Variants in RARB observed in about 807,000 individuals in gnomAD.
RARB encodes the protein HBV-activated protein.
In RARB, 17 loss-of-function variants were observed where a neutral mutation model predicts 51.9. The ratio of observed to expected loss-of-function variants is 0.33; its 90% CI spans 0.22 to 0.49. The LOEUF (loss-of-function observed/expected upper bound fraction) is 0.49. Ranked by LOEUF, RARB falls within the 20% of genes least tolerant of loss-of-function variation. RARB has a pLI of 0.99. For missense variants in RARB, 369 were observed against 550.8 expected (o/e 0.67, Z 3.30); for synonymous variants, 215 against 195.4 (o/e 1.10, Z -0.84).
rs1281841095 is a variant in RARB, at chr3:24,989,893, G to A, written c.-379-70232G>A. 6.8e-5 allele frequency among the ~76,000 whole-genome samples: 6 copies of A among 87,732 alleles called. 2 individuals are homozygous for A. In the East Asian group the frequency reaches 2.4e-3, roughly 36 times the overall value. The allele number at this position is 87,732 out of a possible 152,430, so 57.6% of individuals were successfully genotyped here. ...CGGCTCACTGCAAGCTCCCCTTCCC[G>A]GGTTCACGCCATTCTCCTGCCTCAG... On this transcript the variant is annotated intron_variant, in intron 2 of 11. Coordinates refer to the RARB transcript ENST00000383772.
chr3:25,258,275 G>T (rs2125405473), intron 5 of RARB, among the ~76,000 whole-genome samples: 1 of 152,172 alleles, frequency 6.6e-6, no homozygotes, highest in Admixed American at 6.5e-5. Flanking sequence ...TTAAAGGAAT[G>T]GTAAACTTAT....
chr3:24,961,630 G>A (rs993413067), intron 2 of RARB, among the ~76,000 whole-genome samples: 1 of 151,958 alleles, frequency 6.6e-6, no homozygotes, highest in Non-Finnish European at 1.5e-5. Flanking sequence ...GGGAGGGAGG[G>A]CGGGGCATGG....
chr3:24,959,208 G>C (rs956243711), intron 2 of RARB, among the ~76,000 whole-genome samples: 7 of 152,156 alleles, frequency 4.6e-5, no homozygotes, highest in Non-Finnish European at 7.3e-5. Flanking sequence ...GGGTCAGTGT[G>C]ACAGCCTTTA....
intron 2 of RARB, among the ~76,000 whole-genome samples, chr3:24,992,827 T>C (rs767038954): frequency 1.3e-5 from 2 of 152,296 alleles, no homozygotes; most frequent in South Asian, 2.1e-4. Flanking sequence ...TCTCCAAATA[T>C]AGTCACATTT....
intron 2 of RARB, among the ~76,000 whole-genome samples, chr3:25,001,659 A>T (rs1381983825): frequency 6.6e-6 from 1 of 152,188 alleles, no homozygotes; most frequent in Non-Finnish European, 1.5e-5. Context: ...GCTGATAAGA[A>T]ATCAATTCAA....
intron 3 of RARB, among the ~76,000 whole-genome samples, chr3:25,560,649 A>G (rs1215277048): frequency 6.6e-6 from 1 of 152,200 alleles, no homozygotes; most frequent in Admixed American, 6.5e-5. Context: ...CTAGTTATAG[A>G]GCACCAGGCT....
intron 5 of RARB, among the ~76,000 whole-genome samples, chr3:25,364,147 A>G (rs752694555): frequency 1.3e-5 from 2 of 151,702 alleles, no homozygotes; most frequent in African/African-American, 4.8e-5. Flanking sequence ...TTATTTTGTG[A>G]TTTATTATCC....
chr3:25,573,506 G>C (rs74341355), intron 4 of RARB, among the ~76,000 whole-genome samples: 6,862 of 152,320 alleles, frequency 0.045, 204 homozygotes, highest in Non-Finnish European at 0.068. Context: ...CCGCGGGGTG[G>C]AGGGCGCTCT....
At chr3:25,244,158 C>A (rs547612617) in intron 5 of RARB, among the ~76,000 whole-genome samples, 4 of 152,066 alleles carry the variant, frequency 2.6e-5, no homozygotes, top group South Asian at 2.1e-4. Flanking sequence ...GTGGTGATAT[C>A]CCCTTTATCA....
intron 1 of RARB, among the ~76,000 whole-genome samples, chr3:25,444,905 T>C (rs967376840): frequency 6.6e-6 from 1 of 152,158 alleles, no homozygotes; most frequent in Non-Finnish European, 1.5e-5. Flanking sequence ...TAGAGACCAG[T>C]GTTACCATAT....
intron 3 of RARB, 114 bp from the exon 4 acceptor site, chr3:25,569,644 T>C: frequency 7.9e-7 from 1 of 1,259,716 alleles, no homozygotes; most frequent in Non-Finnish European, 1.1e-6. Flanking sequence ...TCCCACTGTT[T>C]CTGTCCCAAA....
intron 3 of RARB, among the ~76,000 whole-genome samples, chr3:25,561,488 G>C (rs891876849): frequency 6.6e-6 from 1 of 151,746 alleles, no homozygotes; most frequent in Non-Finnish European, 1.5e-5. Flanking sequence ...GTACTTCTGG[G>C]TTCACTGGGC....
At chr3:25,581,471 A>G (rs904214745) in intron 5 of RARB, among the ~76,000 whole-genome samples, 2 of 152,004 alleles carry the variant, frequency 1.3e-5, no homozygotes, top group African/African-American at 4.8e-5. Flanking sequence ...CCTGTGGAAG[A>G]CAAAGTGTGC....
chr3:25,448,593 G>T lies in RARB; in HGVS notation c.158-12600G>T, dbSNP rs143439715. Among the ~76,000 whole-genome samples the T allele has an allele frequency of 5.9e-3, 890 of 152,064 alleles. 6 individuals carry two copies. Among genetic ancestry groups the T allele is most frequent in the African/African-American group, 0.02 (835 of 41,468 alleles). ...AGCAATTCTCCTGCCTCAGCCTCCC[G>T]AGTAGCTGGGATTGCAGGCATGCAC... On this transcript the variant is annotated intron_variant, in intron 1 of 7. Coordinates refer to ENST00000330688, the MANE Select transcript of RARB (RefSeq NM_000965.5).
intron 2 of RARB, among the ~76,000 whole-genome samples, chr3:24,861,157 G>A (rs1425109150): frequency 6.6e-6 from 1 of 152,084 alleles, no homozygotes; most frequent in Non-Finnish European, 1.5e-5. Flanking sequence ...ATGTATATAG[G>A]CTTTTCCGGT....
chr3:25,495,996 C>T (rs911904442), intron 2 of RARB, among the ~76,000 whole-genome samples: 1 of 152,172 alleles, frequency 6.6e-6, no homozygotes, highest in Non-Finnish European at 1.5e-5. Context: ...TGAGCTGATT[C>T]CAACTCAGAT....
intron 5 of RARB, among the ~76,000 whole-genome samples, chr3:25,256,699 A>G (rs535190237): frequency 1.3e-5 from 2 of 152,254 alleles, no homozygotes; most frequent in South Asian, 4.1e-4. Flanking sequence ...ATGAAATTCT[A>G]CGTAATCAGT....
At position 25,516,351 on chromosome 3, in the gene RARB, A is replaced by G. The variant is rs1698158220; in HGVS notation, c.448+15028A>G. Among the ~76,000 whole-genome samples, 5 of 152,350 alleles carry G rather than the reference A, an allele frequency of 3.3e-5. No homozygotes were observed. The South Asian group carries it at 1.0e-3, about 32-fold the overall frequency. The stretch of plus-strand genomic sequence containing the variant: ...TAGTGGCAGTATGTTCCTTTTAGAA[A>G]TATAGTGTTCAAGATGTGATTTATG... On this transcript the variant is annotated intron_variant, in intron 3 of 7. Transcript: ENST00000330688.
intron 5 of RARB, 93 bp downstream of exon 5, chr3:25,580,815 AGAG>A (rs1701145568): frequency 5.9e-6 from 8 of 1,365,922 alleles, no homozygotes; most frequent in East Asian, 2.4e-5. Flanking sequence ...GAAGATCTCC[AGAG>A]GAGGTTTTGA....
Sources: gnomAD v4.1 joint callset for allele counts (sites outside exome capture counted in the v4.1 genomes callset) on GRCh38, gnomAD v4.1.1 for gene constraint, MANE v1.5 for transcripts, NCBI Gene and HGNC (gene_info 2026-07-23, HGNC 2026-07-21) for gene names.